ACTR10: variants seen among roughly 807,000 people sequenced by gnomAD.
ACTR10 encodes actin-related protein 10.
Under a neutral mutation model 56.2 loss-of-function variants are expected in ACTR10, and 43 were observed. The observed-to-expected ratio is 0.77, with a 90% CI of 0.60 to 0.99. The LOEUF (loss-of-function observed/expected upper bound fraction) is 0.99. Ranked by LOEUF, ACTR10 falls within the 50% of genes least tolerant of loss-of-function variation. The probability of loss-of-function intolerance (pLI) is 0.00; values close to 1 mark genes in which losing one functional copy is unlikely to be tolerated. For synonymous variants in ACTR10, 170 were observed against 176.3 expected, an observed-to-expected ratio of 0.96 and a Z score of 0.28; for missense variants, 466 against 507.8, an observed-to-expected ratio of 0.92 and a Z score of 0.79.
In ACTR10 at chr14:58,234,474, C is replaced by T. The variant is rs1889625546; in HGVS notation, c.1177C>T (p.Pro393Ser). Reference sequence around the variant, plus strand: ...ACCTGATTGGTGTTCTCTCAATAACCCACCTTTGGAAATGATGTTTGATGT... The same window carrying T: ...ACCTGATTGGTGTTCTCTCAATAACTCACCTTTGGAAATGATGTTTGATGT... Reference protein sequence around the residue: ...RIPDWCSLNNPPLEMMFDVGK... With the variant: ...RIPDWCSLNNSPLEMMFDVGK... Residue 393 changes from proline to serine, a missense_variant, in exon 13 of 13, where the codon CCA becomes TCA. Physicochemically the swap from Pro to Ser is moderately conservative, Grantham distance 74. Transcript: ENST00000254286. The T allele has an allele frequency of 2.5e-6, 4 of 1,613,110 alleles. No individual in the cohort carries two copies. The highest frequency in any genetic ancestry group is 1.7e-5 in the Admixed American group (1 of 59,956).
rs368793256 is a variant in ACTR10, at chr14:58,204,395, A to G, written c.150+1468A>G. Among the ~76,000 whole-genome samples the G allele has an allele frequency of 1.3e-4, 20 of 152,016 alleles. No homozygotes were observed. In the East Asian group the frequency reaches 2.3e-3, roughly 18 times the overall value. On this transcript the variant is annotated intron_variant, in intron 2 of 12. Transcript: ENST00000254286. ...CGAGACTCCATCTCAAAAAAATAAA[A>G]TAAAATAAAATCGTGGAGGTGGTGC...
chr14:58,206,695 G>A lies in ACTR10; in HGVS notation c.151-1241G>A, dbSNP rs1888871548. ...TAAGTGAAGCCATTGTTATATATTA[G>A]CATTGACTTAGCACTCATGGCTTGG... On this transcript the variant is annotated intron_variant, in intron 2 of 12. Transcript: ENST00000254286. Among the ~76,000 whole-genome samples, 2 of 152,246 alleles carry A rather than the reference G, an allele frequency of 1.3e-5. 1 individual carries two copies. The highest frequency in any genetic ancestry group is 2.9e-5 in the Non-Finnish European group (2 of 68,014).
chr14:58,222,764 G>GAAA (rs58412717), intron 8 of ACTR10, among the ~76,000 whole-genome samples: 15 of 76,318 alleles, frequency 2.0e-4, no homozygotes, highest in South Asian at 5.0e-4. Flanking sequence ...GACTCTGTCA[G>GAAA]AAAAAAAAAA....
chr14:58,225,980 G>A (rs1467946643), intron 10 of ACTR10, among the ~76,000 whole-genome samples: 6 of 152,204 alleles, frequency 3.9e-5, no homozygotes, highest in African/African-American at 1.4e-4. Flanking sequence ...CCAAAGTGCT[G>A]GGATTACAGG....
At chr14:58,222,683 T>C (rs748806390) in intron 8 of ACTR10, among the ~76,000 whole-genome samples, 2 of 145,186 alleles carry the variant, frequency 1.4e-5, no homozygotes, top group Non-Finnish European at 3.0e-5. Context: ...GAGAATCGCA[T>C]GAACTCAGGA....
At chr14:58,222,555 A>G (rs1889297857) in intron 8 of ACTR10, among the ~76,000 whole-genome samples, 1 of 152,186 alleles carries the variant, frequency 6.6e-6, no homozygotes, top group Non-Finnish European at 1.5e-5. Flanking sequence ...ACTTGAGGTC[A>G]GGAGTTCGAG....
chr14:58,228,088 CA>C, intron 10 of ACTR10, among the ~76,000 whole-genome samples: 1 of 152,196 alleles, frequency 6.6e-6, no homozygotes, highest in South Asian at 2.1e-4. Flanking sequence ...GGCAACAGGG[CA>C]AGACCCTATC....
chr14:58,221,837 G>A (rs1029828990), intron 8 of ACTR10, among the ~76,000 whole-genome samples: 4 of 152,110 alleles, frequency 2.6e-5, no homozygotes, highest in African/African-American at 9.7e-5. Flanking sequence ...AGGATCACTT[G>A]AACCCCAGAG....
At chr14:58,219,632 AAT>A in intron 7 of ACTR10, 60 bp from the exon 8 acceptor site, 2 of 1,066,420 alleles carry the variant, frequency 1.9e-6, no homozygotes, top group Non-Finnish European at 2.6e-6. Context: ...ATGTGAAGGC[AAT>A]TTAATAGACT....
Position 58,202,881 on chromosome 14 carries a change from C to T in ACTR10, c.104C>T (p.Pro35Leu). Reference sequence around the variant, plus strand: ...TGTGGATTTGCTGGAGAAACTGGTCCAAGATGTATAATTCCTAGTGTGATA... The same window carrying T: ...TGTGGATTTGCTGGAGAAACTGGTCTAAGATGTATAATTCCTAGTGTGATA... ...TKCGFAGETG[P>L]RCIIPSVIKR... Residue 35 changes from proline (P) to leucine (L), a missense_variant, in exon 2 of 13, where the codon CCA becomes CTA. Physicochemically the swap from Pro to Leu is moderately conservative, Grantham distance 98. Transcript: ENST00000254286. 1 of 1,606,406 alleles carries T rather than the reference C, an allele frequency of 6.2e-7. No homozygotes were observed. The highest frequency in any genetic ancestry group is 2.2e-5 in the East Asian group (1 of 44,510).
At chr14:58,205,670 T>C (rs1442095249) in intron 2 of ACTR10, among the ~76,000 whole-genome samples, 1 of 152,130 alleles carries the variant, frequency 6.6e-6, no homozygotes, top group Non-Finnish European at 1.5e-5. Flanking sequence ...TTTTAAATTT[T>C]TCTGCAAATC....
At position 58,234,602 on chromosome 14, in the gene ACTR10, T is replaced by C. The variant is rs1335857503; in HGVS notation, c.*51T>C. ...TTCATATCAAATATTTAACCAATTA[T>C]AAGCAAATTGTACAAAGTATGTAGG... On this transcript the variant is annotated 3_prime_UTR_variant, in exon 13 of 13. Coordinates refer to ENST00000254286, the MANE Select transcript of ACTR10 (RefSeq NM_018477.3). 1.9e-6 allele frequency: 3 copies of C among 1,542,854 alleles called. No individual in the cohort carries two copies. The highest frequency in any genetic ancestry group is 2.7e-6 in the Non-Finnish European group (3 of 1,131,164).
intron 2 of ACTR10, among the ~76,000 whole-genome samples, 175 bp from the exon 3 acceptor site, chr14:58,207,760 TC>T (rs1279824179): frequency 1.3e-5 from 2 of 152,198 alleles, no homozygotes; most frequent in Non-Finnish European, 2.9e-5. Flanking sequence ...TCTTAGACAT[TC>T]CGATTCTTAA....
chr14:58,213,821 C>A, intron 6 of ACTR10, 123 bp downstream of exon 6: 1 of 664,430 alleles, frequency 1.5e-6, no homozygotes, highest in South Asian at 2.4e-5. Context: ...ATTCATTCCG[C>A]CCTCTATTAG....
rs535260148 is a variant in ACTR10, at chr14:58,232,636, G to T, written c.1072+369G>T. On this transcript the variant is annotated intron_variant, in intron 12 of 12. Coordinates refer to ENST00000254286, the MANE Select transcript of ACTR10 (RefSeq NM_018477.3). ...TCACCATGTTGGCCAGGATGGTCTC[G>T]ATCTCTTGACCTCGTGATCCACCCA... 9.2e-5 allele frequency among the ~76,000 whole-genome samples: 14 copies of T among 151,472 alleles called. No homozygotes were observed. In the South Asian group the frequency reaches 2.5e-3, roughly 27 times the overall value.
At position 58,200,230 on chromosome 14, in the gene ACTR10, G is replaced by C. The variant is rs765092950; in HGVS notation, c.13G>C (p.Glu5Gln). Residue 5 changes from glutamate (E) to glutamine (Q), a missense_variant, in exon 1 of 13, where the codon GAG (glutamate) becomes CAG (glutamine). Transcript: ENST00000254286. ...CTGCCTTACTACCATGCCGCTCTAC[G>C]AGGGCCTGGGGAGCGGCGGGGAGAA... MPLY[E>Q]GLGSGGEKTA... 1 of 1,532,018 alleles carries C rather than the reference G, an allele frequency of 6.5e-7. No individual in the cohort carries two copies. Among genetic ancestry groups the C allele is most frequent in the Non-Finnish European group, 8.8e-7 (1 of 1,141,018 alleles). The allele number at this position is 1,532,018 out of a possible 1,614,324, so 94.9% of individuals were successfully genotyped here.
At chr14:58,209,885 T>TA (rs1468930592) in intron 4 of ACTR10, among the ~76,000 whole-genome samples, 1 of 152,200 alleles carries the variant, frequency 6.6e-6, no homozygotes, top group Admixed American at 6.5e-5. Flanking sequence ...ATTCAAAACA[T>TA]ACCTAATACC....
chr14:58,234,775 A>G lies in ACTR10; in HGVS notation c.*224A>G, dbSNP rs909569452. 5.5e-6 allele frequency: 2 copies of G among 366,826 alleles called. No homozygotes were observed. Among genetic ancestry groups the G allele is most frequent in the Non-Finnish European group, 9.5e-6 (2 of 210,006 alleles). The allele number at this position is 366,826 out of a possible 1,614,324, so 22.7% of individuals were successfully genotyped here. Reference sequence around the variant, plus strand: ...TGAGATTTGCTGTATTTATATCAATAAAGTATAGTAAAGCAGTTTGATTTT... The same window carrying G: ...TGAGATTTGCTGTATTTATATCAATGAAGTATAGTAAAGCAGTTTGATTTT... On this transcript the variant is annotated 3_prime_UTR_variant, in exon 13 of 13. Transcript: ENST00000254286.
chr14:58,221,719 T>A (rs1406840342), intron 8 of ACTR10, among the ~76,000 whole-genome samples: 1 of 152,104 alleles, frequency 6.6e-6, no homozygotes, highest in African/African-American at 2.4e-5. Flanking sequence ...CCAGCGTGGA[T>A]GACAGAGTGA....
Sources: allele counts gnomAD v4.1 joint callset (sites outside exome capture counted in the v4.1 genomes callset), GRCh38; gene constraint gnomAD v4.1.1; transcripts MANE v1.5; gene names NCBI Gene and HGNC (gene_info 2026-07-23, HGNC 2026-07-21).